The following ROBO1 variants were observed in gnomAD, a reference collection of about 807,000 sequenced individuals.
ROBO1 encodes the protein roundabout guidance receptor 1.
ROBO1 carries 149 observed loss-of-function variants against 195.9 expected under a neutral mutation model. The observed-to-expected ratio is 0.76, with a 90% CI of 0.67 to 0.87. The LOEUF is 0.87. ROBO1 is among the 40% of genes least tolerant of loss of function. The pLI is 0.00. For synonymous variants in ROBO1, 816 were observed against 733.2 expected (o/e 1.11, Z -1.82); for missense variants, 1,933 against 2,068.3 (o/e 0.93, Z 1.27).
chr3:78,693,223 A>G lies in ROBO1; in HGVS notation c.1046-4451T>C, dbSNP rs1311457978. On this transcript the variant is annotated intron_variant, in intron 8 of 30. Coordinates refer to ENST00000464233, the MANE Select transcript of ROBO1 (RefSeq NM_002941.4). ...TCTGTGCAGTCTGTCTTTGTGGCCAATGACAAGTGAAACATGGAGGCTGAT... is the reference window on the plus strand; with the variant it reads ...TCTGTGCAGTCTGTCTTTGTGGCCAGTGACAAGTGAAACATGGAGGCTGAT... 9.9e-6 allele frequency: 13 copies of G among 1,307,656 alleles called. No homozygotes were observed. In the Admixed American group the frequency reaches 1.0e-4, roughly 10 times the overall value. The allele number at this position is 1,307,656 out of a possible 1,614,324, so 81.0% of individuals were successfully genotyped here.
At chr3:79,594,480 A>T (rs1047280923) in intron 1 of ROBO1, among the ~76,000 whole-genome samples, 6 of 152,056 alleles carry the variant, frequency 3.9e-5, no homozygotes, top group African/African-American at 1.2e-4. Context: ...ATATGTGATT[A>T]CCAAATTGTT....
intron 3 of ROBO1, chr3:79,018,384 G>C (rs769669374): frequency 1.2e-6 from 2 of 1,613,664 alleles, no homozygotes; most frequent in East Asian, 2.2e-5. Context: ...GATCAAGGGT[G>C]AAGAAAGAAG....
At chr3:79,181,501 G>GA (rs1319636703) in intron 2 of ROBO1, among the ~76,000 whole-genome samples, 1 of 152,146 alleles carries the variant, frequency 6.6e-6, no homozygotes, top group Admixed American at 6.6e-5. Context: ...CTTATCCTGT[G>GA]AAATCTAGGA....
rs534060121 is a variant in ROBO1 at position 79,746,663 on chromosome 3, C to T, written c.-51+21089G>A. 3.3e-5 allele frequency among the ~76,000 whole-genome samples: 5 copies of T among 152,122 alleles called. No individual in the cohort carries two copies. The South Asian group carries it at 1.0e-3, about 32-fold the overall frequency. On this transcript the variant is annotated intron_variant, in intron 1 of 30. Transcript: ENST00000464233. ...TGAGAAATATACCACAGAGTATCTT[C>T]CACTTTTGATATTCTGAGATTTTAG...
At chr3:79,388,228 A>C (rs141804431) in intron 2 of ROBO1, among the ~76,000 whole-genome samples, 2 of 152,290 alleles carry the variant, frequency 1.3e-5, no homozygotes, top group East Asian at 3.9e-4. Flanking sequence ...CTTGAGGTAA[A>C]CTTAGAATGT....
intron 3 of ROBO1, among the ~76,000 whole-genome samples, chr3:79,075,190 G>A (rs533821462): frequency 3.8e-4 from 57 of 151,870 alleles, no homozygotes; most frequent in African/African-American, 1.3e-3. Flanking sequence ...TCACCATCAT[G>A]CCTTGTCAAA....
rs779020561 is a variant in ROBO1, at chr3:79,125,451, T to TC, written c.172+4dup. Reference sequence around the variant, plus strand: ...AAGTTAGTATTTGGGAAAGAGACACTCTACCTGTATAGCCCAGCGAATTGT... The same window carrying TC: ...AAGTTAGTATTTGGGAAAGAGACACTCCTACCTGTATAGCCCAGCGAATTGT... On this transcript the variant is annotated splice_donor_region_variant and intron_variant, in intron 3 of 30. Coordinates refer to ENST00000464233, the MANE Select transcript of ROBO1 (RefSeq NM_002941.4). 38 of 1,612,618 alleles carry TC rather than the reference T, an allele frequency of 2.4e-5. No homozygotes were observed. The African/African-American group carries it at 4.5e-4, about 19-fold the overall frequency.
intron 4 of ROBO1, among the ~76,000 whole-genome samples, chr3:78,922,615 T>TC (rs2039001287): frequency 6.7e-6 from 1 of 149,646 alleles, no homozygotes; most frequent in Admixed American, 6.6e-5. Flanking sequence ...CTTTTTTTTT[T>TC]TTTTTTTTGA....
chr3:79,182,166 A>G (rs1381377492), intron 2 of ROBO1, among the ~76,000 whole-genome samples: 1 of 152,128 alleles, frequency 6.6e-6, no homozygotes, highest in Non-Finnish European at 1.5e-5. Flanking sequence ...ATATGATGCA[A>G]CAATAAATTT....
intron 2 of ROBO1, among the ~76,000 whole-genome samples, chr3:79,559,418 T>C (rs183509514): frequency 5.5e-4 from 84 of 152,206 alleles, no homozygotes; most frequent in Admixed American, 1.0e-3. Context: ...AAAAACCTAC[T>C]ATAGGGAAAA....
chr3:79,233,994 GA>G (rs977807922), intron 2 of ROBO1, among the ~76,000 whole-genome samples: 6 of 151,886 alleles, frequency 4.0e-5, no homozygotes, highest in Non-Finnish European at 4.4e-5. Context: ...TCTTCTTTGA[GA>G]AGTATAAGTT....
At chr3:78,789,833 A>G (rs1158067825) in intron 4 of ROBO1, among the ~76,000 whole-genome samples, 2 of 152,208 alleles carry the variant, frequency 1.3e-5, no homozygotes, top group Admixed American at 6.5e-5. Flanking sequence ...ATTCATATAT[A>G]CAACTGGCTA....
At chr3:79,487,053 C>A (rs891483200) in intron 2 of ROBO1, among the ~76,000 whole-genome samples, 1 of 151,314 alleles carries the variant, frequency 6.6e-6, no homozygotes, top group African/African-American at 2.5e-5. Context: ...GGTCCTTTTC[C>A]TTTGTCTTGT....
At chr3:79,703,156 T>A (rs1368636175) in intron 1 of ROBO1, among the ~76,000 whole-genome samples, 1 of 151,900 alleles carries the variant, frequency 6.6e-6, no homozygotes, top group Non-Finnish European at 1.5e-5. Flanking sequence ...CATATGAAAA[T>A]GTCTCAAAAT....
At chr3:79,319,147 C>T (rs572234569) in intron 2 of ROBO1, among the ~76,000 whole-genome samples, 23 of 152,026 alleles carry the variant, frequency 1.5e-4, no homozygotes, top group Non-Finnish European at 3.2e-4. Flanking sequence ...ATTGTTGAAA[C>T]ATTTTATAAG....
chr3:79,255,614 T>C (rs2082819713), intron 2 of ROBO1, among the ~76,000 whole-genome samples: 1 of 152,176 alleles, frequency 6.6e-6, no homozygotes, highest in Non-Finnish European at 1.5e-5. Context: ...CACTGTGTTT[T>C]CTCACTTGTG....
At position 79,431,178 on chromosome 3, in the gene ROBO1, C is replaced by T. The variant is rs552811498; in HGVS notation, c.88+158646G>A. On this transcript the variant is annotated intron_variant, in intron 2 of 30. Transcript: ENST00000464233. Reference sequence around the variant, plus strand: ...AGCAACTTGGCATGAGGGCCAGTTGCGTTAGAGACAGAGCACCAGTTTCCT... The same window carrying T: ...AGCAACTTGGCATGAGGGCCAGTTGTGTTAGAGACAGAGCACCAGTTTCCT... Among the ~76,000 whole-genome samples, 25 of 152,182 alleles carry T rather than the reference C, an allele frequency of 1.6e-4. 1 individual carries two copies. Among genetic ancestry groups the T allele is most frequent in the Non-Finnish European group, 3.4e-4 (23 of 67,996 alleles).
At chr3:79,560,558 T>TATATACAC (rs5850439) in intron 2 of ROBO1, among the ~76,000 whole-genome samples, 8,130 of 129,406 alleles carry the variant, frequency 0.063, 313 homozygotes, top group East Asian at 0.12. Context: ...TATATATATA[T>TATATACAC]ACACATACAC....
chr3:79,318,925 G>T (rs568129801), intron 2 of ROBO1, among the ~76,000 whole-genome samples: 7 of 152,178 alleles, frequency 4.6e-5, no homozygotes, highest in African/African-American at 1.7e-4. Context: ...AAATGAATTT[G>T]AATTATATGC....
Sources: gnomAD v4.1 joint callset for allele counts (sites outside exome capture counted in the v4.1 genomes callset) on GRCh38, gnomAD v4.1.1 for gene constraint, MANE v1.5 for transcripts, NCBI Gene and HGNC (gene_info 2026-07-23, HGNC 2026-07-21) for gene names.